Variants in RXFP4 observed in about 807,000 individuals in gnomAD.
RXFP4 encodes the protein relaxin family peptide/INSL5 receptor 4.
For synonymous variants in RXFP4, 182 were observed against 218.0 expected, an observed-to-expected ratio of 0.83 and a Z score of 1.45; for missense variants, 425 against 491.3, an observed-to-expected ratio of 0.87 and a Z score of 1.28.
In RXFP4 at chr1:155,941,760, TG is replaced by T. The variant is rs1342190598; in HGVS notation, c.52del (p.Ala18ProfsTer7). 4 of 1,614,204 alleles carry T rather than the reference TG, an allele frequency of 2.5e-6. No individual in the cohort carries two copies. In the Admixed American group the frequency reaches 6.7e-5, roughly 27 times the overall value. The stretch of plus-strand genomic sequence containing the variant: ...CTCCACCCACATTCTTCTGGGCCAA[TG>T]CCTCCGGAGGCAGTGTGCTGAGTGC... ...ASPPTFFWAN[A>X]SGGSVLSADD... On this transcript the variant is annotated frameshift_variant, in exon 1 of 1. Transcript: ENST00000368318. LOFTEE classifies it low-confidence loss of function (END_TRUNC).
chr1:155,942,633 G>A lies in RXFP4; in HGVS notation c.924G>A (p.Leu308=). The A allele has an allele frequency of 1.2e-6, 2 of 1,614,146 alleles. No homozygotes were observed. The highest frequency in any genetic ancestry group is 1.1e-5 in the South Asian group (1 of 91,090). The change falls in exon 1 of 1, where the codon CTG becomes CTA. Residue 308 remains leucine, a synonymous_variant. Transcript: ENST00000368318. This position sits in a 1 kb window ranked among gnomAD's most constrained non-coding sequence, Gnocchi z 5.2. ...GCAATAGCTGCCTCAACCCTGTGCTGTACTGTCTCCTGAGGCGGGAGCCCC... is the reference window on the plus strand; with the variant it reads ...GCAATAGCTGCCTCAACCCTGTGCTATACTGTCTCCTGAGGCGGGAGCCCC... ...AHSNSCLNPV[L]YCLLRREPRQ...
Position 155,942,455 on chromosome 1 carries a change from G to C in RXFP4, c.746G>C (p.Arg249Pro), listed in dbSNP as rs758401880. The C allele has an allele frequency of 1.9e-6, 3 of 1,592,078 alleles. No homozygotes were observed. The highest frequency in any genetic ancestry group is 2.6e-6 in the Non-Finnish European group (3 of 1,167,578). Residue 249 changes from arginine to proline, a missense_variant, in exon 1 of 1, where the codon CGC (arginine) becomes CCC (proline). Transcript: ENST00000368318. This position sits in a 1 kb window ranked among gnomAD's most constrained non-coding sequence, Gnocchi z 5.2. ...AGCAGGGTCGTGGCCCGCTCTGTCC[G>C]CATCCTGGTGGCTTCCTTCTTCCTC... ...QDSRVVARSV[R>P]ILVASFFLCW...
chr1:155,942,751 G>A lies in RXFP4; in HGVS notation c.1042G>A (p.Gly348Ser). 6.3e-7 allele frequency: 1 copy of A among 1,591,512 alleles called. No individual in the cohort carries two copies. The highest frequency in any genetic ancestry group is 8.5e-7 in the Non-Finnish European group (1 of 1,173,426). ...WVQQVALKQV[G>S]RRWVASNPRE... ...GCAACAGGTGGCCCTAAAGCAGGTAGGCAGGCGGTGGGTCGCAAGCAACCC... is the reference window on the plus strand; with the variant it reads ...GCAACAGGTGGCCCTAAAGCAGGTAAGCAGGCGGTGGGTCGCAAGCAACCC... The change falls in exon 1 of 1, where the codon GGC becomes AGC. Residue 348 changes from glycine (G) to serine (S), a missense_variant. By Grantham distance (56) the Gly-to-Ser change is moderately conservative (BLOSUM62 0). Transcript: ENST00000368318. This position sits in a 1 kb window ranked among gnomAD's most constrained non-coding sequence, Gnocchi z 5.2.
chr1:155,942,048 C>G lies in RXFP4; in HGVS notation c.339C>G (p.Leu113=). ...LDFHWPFGGA[L]CKMVLTATVL... ...TTCACTGGCCCTTCGGAGGTGCCCT[C>G]TGCAAGATGGTTCTGACGGCCACTG... Residue 113 remains leucine, a synonymous_variant, in exon 1 of 1, where the codon CTC becomes CTG. Coordinates refer to ENST00000368318, the MANE Select transcript of RXFP4 (RefSeq NM_181885.3). The surrounding 1 kb of genome is among the most constrained non-coding windows in gnomAD (Gnocchi z 5.2). The G allele has an allele frequency of 6.2e-7, 1 of 1,611,596 alleles. No individual in the cohort carries two copies.
chr1:155,941,955 C>G lies in RXFP4; in HGVS notation c.246C>G (p.Asn82Lys), dbSNP rs992179508. ...CACCTTCAGACACCTTCGTCTTCAA[C>G]CTGGCTCTGGCGGACCTGGGACTGG... Reference protein sequence around the residue: ...PGPPSDTFVFNLALADLGLAL... With the variant: ...PGPPSDTFVFKLALADLGLAL... Residue 82 changes from asparagine to lysine, a missense_variant, in exon 1 of 1, where the codon AAC becomes AAG. Coordinates refer to ENST00000368318, the MANE Select transcript of RXFP4 (RefSeq NM_181885.3). 6.2e-7 allele frequency: 1 copy of G among 1,614,106 alleles called. No individual in the cohort carries two copies. Among genetic ancestry groups the G allele is most frequent in the African/African-American group, 1.3e-5 (1 of 74,948 alleles).
Position 155,942,658 on chromosome 1 carries a change from C to T in RXFP4, c.949C>T (p.Arg317Trp), listed in dbSNP as rs770662368. ...VLYCLLRREP[R>W]QALAGTFRDL... is the part of the protein sequence containing the mutation. ...GTACTGTCTCCTGAGGCGGGAGCCC[C>T]GGCAGGCTCTGGCAGGCACCTTCAG... Residue 317 changes from arginine to tryptophan, a missense_variant, in exon 1 of 1, where the codon CGG becomes TGG. Arg to Trp is a moderately radical substitution (Grantham distance 101). Coordinates refer to ENST00000368318, the MANE Select transcript of RXFP4 (RefSeq NM_181885.3). This position sits in a 1 kb window ranked among gnomAD's most constrained non-coding sequence, Gnocchi z 5.2. 8.7e-6 allele frequency: 14 copies of T among 1,613,746 alleles called. No individual in the cohort carries two copies. Among genetic ancestry groups the T allele is most frequent in the African/African-American group, 6.7e-5 (5 of 74,928 alleles).
chr1:155,942,630 G>A lies in RXFP4; in HGVS notation c.921G>A (p.Val307=). The A allele has an allele frequency of 1.2e-6, 2 of 1,614,124 alleles. No individual in the cohort carries two copies. The highest frequency in any genetic ancestry group is 1.7e-6 in the Non-Finnish European group (2 of 1,180,004). Residue 307 remains valine, a synonymous_variant, in exon 1 of 1, where the codon GTG becomes GTA. Coordinates refer to ENST00000368318, the MANE Select transcript of RXFP4 (RefSeq NM_181885.3). The surrounding 1 kb of genome is among the most constrained non-coding windows in gnomAD (Gnocchi z 5.2). ...LAHSNSCLNP[V]LYCLLRREPR... Reference sequence around the variant, plus strand: ...ACAGCAATAGCTGCCTCAACCCTGTGCTGTACTGTCTCCTGAGGCGGGAGC... The same window carrying A: ...ACAGCAATAGCTGCCTCAACCCTGTACTGTACTGTCTCCTGAGGCGGGAGC...
rs1674317928 is a variant in RXFP4, at chr1:155,941,905, A to T, written c.196A>T (p.Asn66Tyr). Residue 66 changes from asparagine to tyrosine, a missense_variant, in exon 1 of 1, where the codon AAC (asparagine) becomes TAC (tyrosine). By Grantham distance (143) the Asn-to-Tyr change is moderately radical. Transcript: ENST00000368318. ...GNLAVLWVLS[N>Y]CARRAPGPPS... is the part of the protein sequence containing the mutation. ...TTTGGCGGTGCTGTGGGTACTGAGT[A>T]ACTGTGCCCGGAGAGCCCCTGGCCC... is the stretch of plus-strand genomic sequence containing the variant. The T allele has an allele frequency of 1.9e-6, 3 of 1,614,032 alleles. No homozygotes were observed. Among genetic ancestry groups the T allele is most frequent in the East Asian group, 2.2e-5 (1 of 44,896 alleles).
At position 155,942,523 on chromosome 1, in the gene RXFP4, G is replaced by C. The variant is rs768245510; in HGVS notation, c.814G>C (p.Val272Leu). ...TGTGGTCACTCTCTGGGGTGTCCTG[G>C]TGAAGTTTGACCTGGTGCCCTGGAA... The part of the protein sequence containing the change: ...NHVVTLWGVL[V>L]KFDLVPWNST... The change falls in exon 1 of 1, where the codon GTG becomes CTG. Residue 272 changes from valine (V) to leucine (L), a missense_variant. Physicochemically the swap from Val to Leu is conservative, Grantham distance 32 (BLOSUM62 1). Coordinates refer to ENST00000368318, the MANE Select transcript of RXFP4 (RefSeq NM_181885.3). The surrounding 1 kb of genome is among the most constrained non-coding windows in gnomAD (Gnocchi z 5.2). The C allele has an allele frequency of 1.5e-5, 24 of 1,613,884 alleles. No homozygotes were observed. The highest frequency in any genetic ancestry group is 2.5e-6 in the Non-Finnish European group (3 of 1,179,916).
Position 155,942,654 on chromosome 1 carries a change from G to A in RXFP4, c.945G>A (p.Glu315=), listed in dbSNP as rs6678443. Residue 315 remains glutamate, a synonymous_variant, in exon 1 of 1, where the codon GAG becomes GAA. Coordinates refer to ENST00000368318, the MANE Select transcript of RXFP4 (RefSeq NM_181885.3). This position sits in a 1 kb window ranked among gnomAD's most constrained non-coding sequence, Gnocchi z 5.2. ...NPVLYCLLRR[E]PRQALAGTFR... ...TGCTGTACTGTCTCCTGAGGCGGGAGCCCCGGCAGGCTCTGGCAGGCACCT... is the reference window on the plus strand; with the variant it reads ...TGCTGTACTGTCTCCTGAGGCGGGAACCCCGGCAGGCTCTGGCAGGCACCT... 3,763 of 1,613,948 alleles carry A rather than the reference G, an allele frequency of 2.3e-3. 86 individuals carry two copies. In the African/African-American group the frequency reaches 0.044, roughly 19 times the overall value.
chr1:155,942,192 C>T lies in RXFP4; in HGVS notation c.483C>T (p.Ala161=). 6.2e-7 allele frequency: 1 copy of T among 1,614,032 alleles called. No individual in the cohort carries two copies. Among genetic ancestry groups the T allele is most frequent in the Non-Finnish European group, 8.5e-7 (1 of 1,180,042 alleles). The stretch of plus-strand genomic sequence containing the variant: ...TCTCACTCTTCTGGGCCCGAATAGC[C>T]ACCCTGGCAGTGTGGGCGGCGGCTG... The part of the protein sequence containing the change: ...THLSLFWARI[A]TLAVWAAAAL... Residue 161 remains alanine (A), a synonymous_variant, in exon 1 of 1, where the codon GCC becomes GCT. Transcript: ENST00000368318. The surrounding 1 kb of genome is among the most constrained non-coding windows in gnomAD (Gnocchi z 5.2).
rs752229371 is a variant in RXFP4, at chr1:155,942,379, T to C, written c.670T>C (p.Tyr224His). 1.8e-5 allele frequency: 28 copies of C among 1,553,608 alleles called. No homozygotes were observed. The highest frequency in any genetic ancestry group is 3.7e-5 in the Admixed American group (2 of 54,210). The change falls in exon 1 of 1, where the codon TAC (tyrosine) becomes CAC (histidine). Residue 224 changes from tyrosine to histidine, a missense_variant. By Grantham distance (83) the Tyr-to-His change is moderately conservative. Transcript: ENST00000368318. This position sits in a 1 kb window ranked among gnomAD's most constrained non-coding sequence, Gnocchi z 5.2. ...GCCCTTGGGCGTCATCACCACCAGC[T>C]ACCTGCTGCTGCTGGCCTTCCTGCA... ...MVPLGVITTS[Y>H]LLLLAFLQRR...
rs1320281246 is a variant in RXFP4, at chr1:155,942,352, G to A, written c.643G>A (p.Val215Met). Reference sequence around the variant, plus strand: ...GCAGAGGGTGGTGCTGGCTTTCATGGTGCCCTTGGGCGTCATCACCACCAG... The same window carrying A: ...GCAGAGGGTGGTGCTGGCTTTCATGATGCCCTTGGGCGTCATCACCACCAG... Reference protein sequence around the residue: ...QLQRVVLAFMVPLGVITTSYL... With the variant: ...QLQRVVLAFMMPLGVITTSYL... The change falls in exon 1 of 1, where the codon GTG becomes ATG. Residue 215 changes from valine to methionine, a missense_variant. By Grantham distance (21) the Val-to-Met change is conservative. Transcript: ENST00000368318. The surrounding 1 kb of genome is among the most constrained non-coding windows in gnomAD (Gnocchi z 5.2). The A allele has an allele frequency of 6.4e-7, 1 of 1,555,582 alleles. No homozygotes were observed. The highest frequency in any genetic ancestry group is 8.7e-7 in the Non-Finnish European group (1 of 1,148,476).
At position 155,941,804 on chromosome 1, in the gene RXFP4, C is replaced by T; in HGVS notation, c.95C>T (p.Pro32Leu). 8 of 1,614,266 alleles carry T rather than the reference C, an allele frequency of 5.0e-6. No homozygotes were observed. Among genetic ancestry groups the T allele is most frequent in the Non-Finnish European group, 5.9e-6 (7 of 1,180,044 alleles). Residue 32 changes from proline to leucine, a missense_variant, in exon 1 of 1, where the codon CCT becomes CTT. By Grantham distance (98) the Pro-to-Leu change is moderately conservative. Transcript: ENST00000368318. ...CTGAGTGCTGATGATGCTCCGATGC[C>T]TGTCAAATTCCTAGCCCTGAGGCTC... ...SVLSADDAPM[P>L]VKFLALRLMV...
At position 155,942,161 on chromosome 1, in the gene RXFP4, C is replaced by A. The variant is rs1572019862; in HGVS notation, c.452C>A (p.Thr151Asn). ...GTGGCCATGGCTGCGGGGCCAGGCA[C>A]CCACCTCTCACTCTTCTGGGCCCGA... is the stretch of plus-strand genomic sequence containing the variant. ...WVVAMAAGPG[T>N]HLSLFWARIA... Residue 151 changes from threonine (T) to asparagine (N), a missense_variant, in exon 1 of 1, where the codon ACC (threonine) becomes AAC (asparagine). Coordinates refer to ENST00000368318, the MANE Select transcript of RXFP4 (RefSeq NM_181885.3). This position sits in a 1 kb window ranked among gnomAD's most constrained non-coding sequence, Gnocchi z 5.2. 1 of 1,613,878 alleles carries A rather than the reference C, an allele frequency of 6.2e-7. No individual in the cohort carries two copies.
Position 155,942,364 on chromosome 1 carries a change from G to A in RXFP4, c.655G>A (p.Val219Ile), listed in dbSNP as rs370386081. 74 of 1,554,482 alleles carry A rather than the reference G, an allele frequency of 4.8e-5. No homozygotes were observed. The highest frequency in any genetic ancestry group is 3.0e-4 in the South Asian group (24 of 81,314). ...GCTGGCTTTCATGGTGCCCTTGGGC[G>A]TCATCACCACCAGCTACCTGCTGCT... Reference protein sequence around the residue: ...VVLAFMVPLGVITTSYLLLLA... With the variant: ...VVLAFMVPLGIITTSYLLLLA... The change falls in exon 1 of 1, where the codon GTC becomes ATC. Residue 219 changes from valine (V) to isoleucine (I), a missense_variant. Coordinates refer to ENST00000368318, the MANE Select transcript of RXFP4 (RefSeq NM_181885.3). The surrounding 1 kb of genome is among the most constrained non-coding windows in gnomAD (Gnocchi z 5.2).
Position 155,942,680 on chromosome 1 carries a change from T to G in RXFP4, c.971T>G (p.Phe324Cys). ...CCCCGGCAGGCTCTGGCAGGCACCT[T>G]CAGGGATCTGCGGTTGAGGCTGTGG... ...REPRQALAGT[F>C]RDLRLRLWPQ... The change falls in exon 1 of 1, where the codon TTC becomes TGC. Residue 324 changes from phenylalanine to cysteine, a missense_variant. By Grantham distance (205) the Phe-to-Cys change is radical. Transcript: ENST00000368318. This position sits in a 1 kb window ranked among gnomAD's most constrained non-coding sequence, Gnocchi z 5.2. 6.2e-7 allele frequency: 1 copy of G among 1,613,362 alleles called. No homozygotes were observed. The highest frequency in any genetic ancestry group is 1.3e-5 in the African/African-American group (1 of 75,052).
chr1:155,941,723 A>G lies in RXFP4; in HGVS notation c.14A>G (p.Asn5Ser). 2 of 1,614,040 alleles carry G rather than the reference A, an allele frequency of 1.2e-6. No homozygotes were observed. The highest frequency in any genetic ancestry group is 1.7e-6 in the Non-Finnish European group (2 of 1,179,930). The change falls in exon 1 of 1, where the codon AAT becomes AGT. Residue 5 changes from asparagine to serine, a missense_variant. By Grantham distance (46) the Asn-to-Ser change is conservative. Coordinates refer to ENST00000368318, the MANE Select transcript of RXFP4 (RefSeq NM_181885.3). ...TGATGCCCTGCGATGCCCACACTCA[A>G]TACTTCTGCCTCTCCACCCACATTC... The part of the protein sequence containing the change: MPTL[N>S]TSASPPTFFW...
In RXFP4 at chr1:155,941,837, C is replaced by T; in HGVS notation, c.128C>T (p.Ala43Val). 2 of 1,614,228 alleles carry T rather than the reference C, an allele frequency of 1.2e-6. No homozygotes were observed. Among genetic ancestry groups the T allele is most frequent in the Non-Finnish European group, 1.7e-6 (2 of 1,180,042 alleles). ...VKFLALRLMV[A>V]LAYGLVGAIG... The stretch of plus-strand genomic sequence containing the variant: ...TTCCTAGCCCTGAGGCTCATGGTTG[C>T]CCTGGCCTATGGGCTTGTGGGGGCC... The change falls in exon 1 of 1, where the codon GCC (alanine) becomes GTC (valine). Residue 43 changes from alanine (A) to valine (V), a missense_variant. Coordinates refer to ENST00000368318, the MANE Select transcript of RXFP4 (RefSeq NM_181885.3).
Sources: gnomAD v4.1 joint callset for allele counts on GRCh38, gnomAD v4.1.1 for gene constraint, Gnocchi (gnomAD v3.1) non-coding constraint, MANE v1.5 for transcripts, NCBI Gene and HGNC (gene_info 2026-07-23, HGNC 2026-07-21) for gene names.